Variants in NPAS2 observed in about 807,000 individuals in gnomAD.
NPAS2 encodes the protein neuronal PAS domain protein 2.
A neutral mutation model predicts 107.5 loss-of-function variants in NPAS2; 23 were observed. The observed-to-expected ratio is 0.21, with a 90% CI of 0.15 to 0.30. NPAS2 has a LOEUF of 0.30. Among genes scored for constraint, NPAS2 ranks in the 10% least tolerant of loss-of-function variants. The pLI is 1.00. For missense variants in NPAS2, 756 were observed against 1,043.3 expected (o/e 0.72, Z 3.79); for synonymous variants, 403 against 417.5 (o/e 0.97, Z 0.42).
chr2:100,822,264 A>G (rs1159549730), intron 1 of NPAS2, among the ~76,000 whole-genome samples: 1 of 152,226 alleles, frequency 6.6e-6, no homozygotes, highest in Non-Finnish European at 1.5e-5. Flanking sequence ...GTGAGGCTTT[A>G]CTAATTAGTG....
intron 7 of NPAS2, among the ~76,000 whole-genome samples, chr2:100,955,797 G>A (rs1286208741): frequency 6.6e-6 from 1 of 152,090 alleles, no homozygotes; most frequent in African/African-American, 2.4e-5. Context: ...TCAGCTGCTT[G>A]GGTGTTTGGA....
chr2:100,872,107 G>A (rs1026349778), intron 1 of NPAS2, among the ~76,000 whole-genome samples: 10 of 152,208 alleles, frequency 6.6e-5, no homozygotes, highest in African/African-American at 2.4e-4. Context: ...CTTGAGCAGT[G>A]AAGAATTAAT....
chr2:100,841,427 C>T (rs570284601), intron 1 of NPAS2, among the ~76,000 whole-genome samples: 39 of 152,212 alleles, frequency 2.6e-4, no homozygotes, highest in African/African-American at 9.1e-4. Context: ...GATGAAAGAG[C>T]GAAACTCCGT....
intron 2 of NPAS2, among the ~76,000 whole-genome samples, chr2:100,910,996 A>T (rs1682513339): frequency 6.6e-6 from 1 of 152,130 alleles, no homozygotes; most frequent in Admixed American, 6.5e-5. Flanking sequence ...CTGACCTTAT[A>T]TGGACCTTGA....
At chr2:100,878,522 G>A (rs1573527883) in intron 1 of NPAS2, 9 of 985,398 alleles carry the variant, frequency 9.1e-6, no homozygotes, top group South Asian at 4.7e-5. Context: ...TGGCTACTTT[G>A]TTTGTTCTTC....
At chr2:100,969,059 A>G (rs1676395563) in intron 11 of NPAS2, among the ~76,000 whole-genome samples, 1 of 152,174 alleles carries the variant, frequency 6.6e-6, no homozygotes, top group Admixed American at 6.5e-5. Context: ...GATGAAGGGG[A>G]AAATGGTCTT....
At chr2:100,869,712 G>A (rs1679449391) in intron 1 of NPAS2, among the ~76,000 whole-genome samples, 2 of 152,196 alleles carry the variant, frequency 1.3e-5, no homozygotes, top group South Asian at 2.1e-4. Flanking sequence ...AGCTTTACAA[G>A]CAAGGGTCTC....
At chr2:100,905,640 T>C (rs1472528278) in intron 2 of NPAS2, among the ~76,000 whole-genome samples, 1 of 152,132 alleles carries the variant, frequency 6.6e-6, no homozygotes. Context: ...ACACTCTTCA[T>C]TGCAACCCCA....
At chr2:100,842,079 G>GCGCGCGCGCGCACACACACACA (rs1553441822) in intron 1 of NPAS2, among the ~76,000 whole-genome samples, 2 of 74,100 alleles carry the variant, frequency 2.7e-5, no homozygotes, top group Non-Finnish European at 6.7e-5. Context: ...GTGCATGTAC[G>GCGCGCGCGCGCACACACACACA]CGCACACACA....
At chr2:100,836,200 C>T (rs558143623) in intron 1 of NPAS2, among the ~76,000 whole-genome samples, 13 of 152,282 alleles carry the variant, frequency 8.5e-5, no homozygotes, top group African/African-American at 3.1e-4. Flanking sequence ...TGAACATAAA[C>T]ATCAATAAAG....
Position 100,990,447 on chromosome 2 carries a change from G to A in NPAS2, c.2018+1G>A. ...ACTTCAGCCATGATCGGCAGCTCAG[G>A]TACGAGACTGCCCTTGTTTAAAGGA... On this transcript the variant is annotated splice_donor_variant, in intron 18 of 20. Transcript: ENST00000335681. LOFTEE classifies it high-confidence loss of function. The A allele has an allele frequency of 6.2e-7, 1 of 1,614,036 alleles. No homozygotes were observed. Among genetic ancestry groups the A allele is most frequent in the Non-Finnish European group, 8.5e-7 (1 of 1,179,888 alleles).
In NPAS2 at chr2:100,873,303, T is replaced by TACACACAC. The variant is rs1553447436; in HGVS notation, c.-22-31429_-22-31428insCACACACA. 1.5e-4 allele frequency among the ~76,000 whole-genome samples: 7 copies of TACACACAC among 45,974 alleles called. No homozygotes were observed. In the East Asian group the frequency reaches 2.9e-3, roughly 19 times the overall value. The allele number at this position is 45,974 out of a possible 152,430, so 30.2% of individuals were successfully genotyped here. A position where few individuals can be genotyped will look rare whatever the true frequency, so the allele number is the denominator to read the frequency against. ...ATATATATATATATATATATATATA[T>TACACACAC]ATATACACACACACACACACACACA... is the stretch of plus-strand genomic sequence containing the variant. On this transcript the variant is annotated intron_variant, in intron 1 of 20. Coordinates refer to ENST00000335681, the MANE Select transcript of NPAS2 (RefSeq NM_002518.4).
intron 1 of NPAS2, among the ~76,000 whole-genome samples, chr2:100,895,910 A>C: frequency 6.6e-6 from 1 of 152,064 alleles, no homozygotes; most frequent in Non-Finnish European, 1.5e-5. Flanking sequence ...CCCAGAGTCC[A>C]TTTCTGTTTC....
chr2:100,847,812 G>C (rs138290793), intron 1 of NPAS2, among the ~76,000 whole-genome samples: 1 of 152,142 alleles, frequency 6.6e-6, no homozygotes, highest in Non-Finnish European at 1.5e-5. Context: ...GAACGCCTTC[G>C]CCATATATGA....
chr2:100,871,674 T>C (rs565624915), intron 1 of NPAS2, among the ~76,000 whole-genome samples: 1 of 152,158 alleles, frequency 6.6e-6, no homozygotes, highest in South Asian at 2.1e-4. Flanking sequence ...GCATCCTGTA[T>C]CCAGGCCTTC....
At chr2:100,886,217 G>T (rs982708900) in intron 1 of NPAS2, among the ~76,000 whole-genome samples, 2 of 152,096 alleles carry the variant, frequency 1.3e-5, no homozygotes, top group Non-Finnish European at 2.9e-5. Flanking sequence ...CAATTAGTGG[G>T]CCCCCAAGCC....
intron 1 of NPAS2, among the ~76,000 whole-genome samples, chr2:100,867,904 C>T (rs538720423): frequency 6.6e-6 from 1 of 151,826 alleles, no homozygotes; most frequent in Admixed American, 6.6e-5. Context: ...TTTTTTCTGC[C>T]TTTTTTTCCC....
At chr2:100,854,227 C>T (rs1472481814) in intron 1 of NPAS2, among the ~76,000 whole-genome samples, 3 of 146,266 alleles carry the variant, frequency 2.1e-5, no homozygotes, top group Non-Finnish European at 3.0e-5. Flanking sequence ...CTCTCTGTGG[C>T]GTGGCATGTA....
At chr2:100,850,035 AAAGCAAGAGAAAAT>A (rs1678059474) in intron 1 of NPAS2, among the ~76,000 whole-genome samples, 1 of 130,518 alleles carries the variant, frequency 7.7e-6, no homozygotes, top group African/African-American at 2.9e-5. Flanking sequence ...AAAAAAAAAA[AAAGCAAGAGAAAAT>A]AGAAAAAAAA....
Sources: gnomAD v4.1 joint callset for allele counts (sites outside exome capture counted in the v4.1 genomes callset) on GRCh38, gnomAD v4.1.1 for gene constraint, MANE v1.5 for transcripts, NCBI Gene and HGNC (gene_info 2026-07-23, HGNC 2026-07-21) for gene names.